Variants in USP43 observed in about 807,000 individuals in gnomAD.
USP43 encodes ubiquitin carboxyl-terminal hydrolase 43.
A neutral mutation model predicts 90.7 loss-of-function variants in USP43; 33 were observed. That is an observed-to-expected ratio of 0.36 (90% CI 0.28 to 0.49). The LOEUF is 0.49. Among genes scored for constraint, USP43 ranks in the 20% least tolerant of loss-of-function variants. The probability of loss-of-function intolerance (pLI) is 0.98; values close to 1 mark genes in which losing one functional copy is unlikely to be tolerated. For synonymous variants in USP43, 598 were observed against 615.8 expected (o/e 0.97, Z 0.43); for missense variants, 1,274 against 1,476.4 (o/e 0.86, Z 2.25).
Position 9,700,200 on chromosome 17 carries a change from C to A in USP43, c.1486C>A (p.Pro496Thr). 6.2e-7 allele frequency: 1 copy of A among 1,607,088 alleles called. No homozygotes were observed. Among genetic ancestry groups the A allele is most frequent in the Admixed American group, 1.7e-5 (1 of 58,978 alleles). ...TTTGCATCTCAGGAGGCCAGGAGGC[C>A]CTCCACATGTCAAGCTGGCGGTGGA... is the stretch of plus-strand genomic sequence containing the variant. ...RVLHLRRPGG[P>T]PHVKLAVEWD... The change falls in exon 10 of 15, where the codon CCT becomes ACT. Residue 496 changes from proline (P) to threonine (T), a missense_variant. Pro to Thr is a conservative substitution (Grantham distance 38). This residue lies in a region of USP43 where 253 missense variants were observed against 276.0 expected (regional missense o/e 0.92). Coordinates refer to ENST00000285199, the MANE Select transcript of USP43 (RefSeq NM_153210.5).
At position 9,645,681 on chromosome 17, in the gene USP43, C is replaced by T; in HGVS notation, c.49C>T (p.Arg17Trp). 2.3e-6 allele frequency: 3 copies of T among 1,284,870 alleles called. No homozygotes were observed. The highest frequency in any genetic ancestry group is 5.1e-5 in the South Asian group (2 of 39,350). The allele number at this position is 1,284,870 out of a possible 1,614,324, so 79.6% of individuals were successfully genotyped here. A position where few individuals can be genotyped will look rare whatever the true frequency, so the allele number is the denominator to read the frequency against. The change falls in exon 1 of 15, where the codon CGG becomes TGG. Residue 17 changes from arginine to tryptophan, a missense_variant. Arg to Trp is a moderately radical substitution (Grantham distance 101, BLOSUM62 -3). Coordinates refer to ENST00000285199, the MANE Select transcript of USP43 (RefSeq NM_153210.5). This position sits in a 1 kb window ranked among gnomAD's most constrained non-coding sequence, Gnocchi z 6.8. Reference protein sequence around the residue: ...DAAGGGPLAPRPRRRRSLRRL... With the variant: ...DAAGGGPLAPWPRRRRSLRRL... ...GGCAGGAGGGGGACCGCTCGCGCCC[C>T]GGCCCCGCCGCCGCCGCTCCCTGCG... is the stretch of plus-strand genomic sequence containing the variant.
chr17:9,706,669 A>C (rs1915900437), intron 12 of USP43, among the ~76,000 whole-genome samples: 1 of 115,350 alleles, frequency 8.7e-6, no homozygotes, highest in Non-Finnish European at 1.6e-5. Context: ...TTTGAGACAG[A>C]GTCTCGCTCT....
chr17:9,691,264 G>A (rs1447803332), intron 8 of USP43, among the ~76,000 whole-genome samples: 13 of 151,130 alleles, frequency 8.6e-5, no homozygotes, highest in Non-Finnish European at 1.6e-4. Flanking sequence ...ACAGGCACCC[G>A]CCACCACACC....
chr17:9,719,258 C>T (rs779021898), intron 14 of USP43, among the ~76,000 whole-genome samples: 1 of 152,216 alleles, frequency 6.6e-6, no homozygotes, highest in Non-Finnish European at 1.5e-5. Context: ...GGCCATTTCT[C>T]AGTTCTCCCA....
At chr17:9,690,176 G>C (rs1295634876) in intron 8 of USP43, among the ~76,000 whole-genome samples, 1 of 151,996 alleles carries the variant, frequency 6.6e-6, no homozygotes, top group Non-Finnish European at 1.5e-5. Flanking sequence ...ATCTGTTTCG[G>C]GTCATTCTGT....
intron 3 of USP43, among the ~76,000 whole-genome samples, chr17:9,672,287 C>T (rs1190012247): frequency 6.6e-6 from 1 of 152,212 alleles, no homozygotes; most frequent in Non-Finnish European, 1.5e-5. Flanking sequence ...TGAACCACTG[C>T]GCCTGGCCAT....
chr17:9,699,660 A>G (rs1340087656), intron 9 of USP43, among the ~76,000 whole-genome samples: 4 of 152,214 alleles, frequency 2.6e-5, no homozygotes, highest in Non-Finnish European at 5.9e-5. Flanking sequence ...GCTGGGCCCA[A>G]GTAGTTGGAA....
Position 9,668,728 on chromosome 17 carries a change from C to T in USP43, c.740+1977C>T, listed in dbSNP as rs550567590. ...GCCTGAAGAAAGCCTTGCTCATTTC[C>T]TGAGGGATGTGGTAACTCTCCAGGA... On this transcript the variant is annotated intron_variant, in intron 3 of 14. Coordinates refer to ENST00000285199, the MANE Select transcript of USP43 (RefSeq NM_153210.5). 1.0e-3 allele frequency among the ~76,000 whole-genome samples: 152 copies of T among 152,270 alleles called. 1 individual carries two copies. The highest frequency in any genetic ancestry group is 1.5e-3 in the Non-Finnish European group (100 of 68,030).
chr17:9,660,723 A>G (rs1435109995), intron 2 of USP43, among the ~76,000 whole-genome samples: 1 of 152,102 alleles, frequency 6.6e-6, no homozygotes, highest in Non-Finnish European at 1.5e-5. Flanking sequence ...CCTGTTCCTT[A>G]AGGGGCCAGG....
intron 12 of USP43, among the ~76,000 whole-genome samples, chr17:9,706,634 T>A (rs1915894510): frequency 1.6e-5 from 1 of 63,572 alleles, no homozygotes; most frequent in Non-Finnish European, 2.8e-5. Context: ...GATATTAATT[T>A]TTTTTTTTTT....
Position 9,701,233 on chromosome 17 carries a change from C to T in USP43, c.1650C>T (p.Thr550=), listed in dbSNP as rs371315013. ...TGGATGAATGTTTTCAGTTCTACAC[C>T]AAGGAGGAGCAGGTCCCGCCCTGGG... ...CTLDECFQFY[T]KEEQLAQDDA... The change falls in exon 11 of 15, where the codon ACC becomes ACT. Residue 550 remains threonine, a synonymous_variant. Transcript: ENST00000285199. This position sits in a 1 kb window ranked among gnomAD's most constrained non-coding sequence, Gnocchi z 7.2. 4 of 1,606,002 alleles carry T rather than the reference C, an allele frequency of 2.5e-6. No homozygotes were observed. Among genetic ancestry groups the T allele is most frequent in the Admixed American group, 3.4e-5 (2 of 59,176 alleles).
chr17:9,714,403 C>T (rs568357365), intron 14 of USP43, among the ~76,000 whole-genome samples: 7 of 152,172 alleles, frequency 4.6e-5, no homozygotes, highest in Middle Eastern at 3.4e-3. Context: ...GAATGAAGGC[C>T]GGGCACAGTG....
chr17:9,663,300 CTTT>C (rs67593846), intron 2 of USP43, among the ~76,000 whole-genome samples: 22 of 141,322 alleles, frequency 1.6e-4, no homozygotes, highest in East Asian at 4.1e-4. Context: ...TTTGGATGTT[CTTT>C]TTTTTTTTTT....
rs948780042 is a variant in USP43 at position 9,674,645 on chromosome 17, A to G, written c.741-246A>G. On this transcript the variant is annotated intron_variant, in intron 3 of 14. Coordinates refer to ENST00000285199, the MANE Select transcript of USP43 (RefSeq NM_153210.5). This position sits in a 1 kb window ranked among gnomAD's most constrained non-coding sequence, Gnocchi z 4.4. ...GAGTTGTACTCTACTATGTGGACGT[A>G]TCATATTCTGTTTACCCATTTGTCT... is the stretch of plus-strand genomic sequence containing the variant. 2.6e-5 allele frequency among the ~76,000 whole-genome samples: 4 copies of G among 152,168 alleles called. No homozygotes were observed. The highest frequency in any genetic ancestry group is 9.7e-5 in the African/African-American group (4 of 41,432).
intron 8 of USP43, among the ~76,000 whole-genome samples, chr17:9,687,141 G>A (rs1027335453): frequency 9.9e-5 from 15 of 152,086 alleles, no homozygotes; most frequent in African/African-American, 3.6e-4. Context: ...ACCTTTCATG[G>A]GCAGAGCTTT....
intron 8 of USP43, among the ~76,000 whole-genome samples, chr17:9,690,663 T>A (rs1359084439): frequency 6.6e-6 from 1 of 152,186 alleles, no homozygotes; most frequent in Non-Finnish European, 1.5e-5. Context: ...GGCAGGTGGA[T>A]CACCTGAGGT....
intron 14 of USP43, among the ~76,000 whole-genome samples, chr17:9,716,325 A>G (rs528253176): frequency 1.3e-5 from 2 of 152,272 alleles, no homozygotes; most frequent in South Asian, 2.1e-4. Context: ...AAAGTATATT[A>G]ATCCTTCAAT....
chr17:9,659,492 A>G (rs1490896679), intron 2 of USP43, among the ~76,000 whole-genome samples: 3 of 152,118 alleles, frequency 2.0e-5, no homozygotes, highest in Non-Finnish European at 4.4e-5. Context: ...AGCTTTCCTC[A>G]TGCTTTCTCA....
At chr17:9,722,657 G>C (rs958643100) in intron 14 of USP43, among the ~76,000 whole-genome samples, 8 of 152,024 alleles carry the variant, frequency 5.3e-5, no homozygotes, top group Non-Finnish European at 8.8e-5. Flanking sequence ...TTCCTGCAAG[G>C]TGCTCTCTTT....
Sources: allele counts gnomAD v4.1 joint callset (sites outside exome capture counted in the v4.1 genomes callset), GRCh38; gene constraint gnomAD v4.1.1; regional missense constraint gnomAD v4.1.1; non-coding constraint Gnocchi (gnomAD v3.1); transcripts MANE v1.5; gene names NCBI Gene and HGNC (gene_info 2026-07-23, HGNC 2026-07-21).